Variants in KDM8 observed in about 807,000 individuals in gnomAD.
The protein encoded by KDM8 is bifunctional peptidase and arginyl-hydroxylase JMJD5.
A neutral mutation model predicts 46.9 loss-of-function variants in KDM8; 35 were observed. The ratio of observed to expected loss-of-function variants is 0.75; its 90% confidence interval spans 0.57 to 0.99. KDM8 has a LOEUF of 0.99. Among genes scored for constraint, KDM8 ranks in the 50% least tolerant of loss-of-function variants. The pLI, the probability that KDM8 is intolerant of heterozygous loss-of-function variation, is 0.00. For missense variants in KDM8, 475 were observed against 537.0 expected, an observed-to-expected ratio of 0.88 and a Z score of 1.14; for synonymous variants, 232 against 227.7, an observed-to-expected ratio of 1.02 and a Z score of -0.17.
intron 5 of KDM8, among the ~76,000 whole-genome samples, chr16:27,216,918 T>C (rs776447526): frequency 6.6e-6 from 1 of 152,176 alleles, no homozygotes; most frequent in Non-Finnish European, 1.5e-5. Flanking sequence ...AAGCCATGGT[T>C]AACCTTGGCT....
intron 1 of KDM8, chr16:27,203,933 T>G (rs1222660813): frequency 1.4e-5 from 8 of 556,074 alleles, no homozygotes; most frequent in African/African-American, 2.0e-5. Flanking sequence ...GGCGGGCTGC[T>G]GTGCGCTTTA....
intron 3 of KDM8, 148 bp downstream of exon 3, chr16:27,213,899 A>G: frequency 1.3e-6 from 1 of 740,864 alleles, no homozygotes; most frequent in Non-Finnish European, 2.1e-6. Context: ...GGGTTAAAAA[A>G]GAGTGAAAAG....
At chr16:27,204,814 C>T (rs2083411606) in intron 1 of KDM8, among the ~76,000 whole-genome samples, 1 of 152,174 alleles carries the variant, frequency 6.6e-6, no homozygotes, top group East Asian at 1.9e-4. Flanking sequence ...CACTTCAGGT[C>T]AGGAGTTCAC....
chr16:27,220,598 C>T lies in KDM8; in HGVS notation c.1119C>T (p.Phe373=). The T allele has an allele frequency of 1.2e-6, 2 of 1,614,140 alleles. No homozygotes were observed. The highest frequency in any genetic ancestry group is 8.5e-7 in the Non-Finnish European group (1 of 1,180,024). ...TGGAGAATCCCGACCTGGAAAAGTT[C>T]CCCAAGTTTGCCAAGGCCCCATTCC... The part of the protein sequence containing the change: ...VDVENPDLEK[F]PKFAKAPFLS... The change falls in exon 8 of 8, where the codon TTC becomes TTT. Residue 373 remains phenylalanine (F), a synonymous_variant. Transcript: ENST00000286096.
rs1164591229 is a variant in KDM8 at position 27,210,637 on chromosome 16, T to G, written c.498+16T>G. ...CTGCACAAAGGTATGTGGGGGAGAT[T>G]CTCCCCAAGCACACTAGCCATCCAG... On this transcript the variant is annotated intron_variant, in intron 2 of 7. Transcript: ENST00000286096. The G allele has an allele frequency of 6.7e-7, 1 of 1,499,152 alleles. No individual in the cohort carries two copies. The highest frequency in any genetic ancestry group is 2.3e-5 in the East Asian group (1 of 43,452). 92.9% of individuals were successfully genotyped at this position (1,499,152 alleles called of 1,614,324 possible). A position where few individuals can be genotyped will look rare whatever the true frequency, so the allele number is the denominator to read the frequency against.
intron 3 of KDM8, 126 bp from the exon 4 acceptor site, chr16:27,214,750 G>C (rs2083528044): frequency 9.6e-7 from 1 of 1,038,912 alleles, no homozygotes; most frequent in South Asian, 1.5e-5. Flanking sequence ...TGAAGCTGGG[G>C]ATGACAGTCC....
intron 1 of KDM8, chr16:27,204,388 G>C (rs1567259979): frequency 8.0e-7 from 1 of 1,243,088 alleles, no homozygotes; most frequent in Non-Finnish European, 1.0e-6. Flanking sequence ...GCCCCTTAGA[G>C]AGCCAAAGGG....
chr16:27,219,133 T>G, intron 6 of KDM8, 23 bp downstream of exon 6: 1 of 1,586,642 alleles, frequency 6.3e-7, no homozygotes, highest in Non-Finnish European at 8.6e-7. Context: ...GCTGGAATAG[T>G]GGCCTTCTAA....
chr16:27,207,264 C>T (rs1350009460), intron 1 of KDM8, among the ~76,000 whole-genome samples: 3 of 152,160 alleles, frequency 2.0e-5, no homozygotes, highest in African/African-American at 4.8e-5. Context: ...AAAAATTAGT[C>T]GGGCGTGATG....
At chr16:27,205,117 A>G (rs1426507318) in intron 1 of KDM8, among the ~76,000 whole-genome samples, 4 of 152,228 alleles carry the variant, frequency 2.6e-5, no homozygotes, top group Non-Finnish European at 4.4e-5. Context: ...CCAGGGACCT[A>G]CTTTGCCAGT....
At chr16:27,216,068 G>C in intron 5 of KDM8, 79 bp downstream of exon 5, 1 of 1,480,674 alleles carries the variant, frequency 6.8e-7, no homozygotes, top group Non-Finnish European at 9.4e-7. Context: ...AGTGCGGCTG[G>C]AGCAGTGAGC....
At position 27,220,382 on chromosome 16, in the gene KDM8, T is replaced by C. The variant is rs1442764028; in HGVS notation, c.994-11T>C. On this transcript the variant is annotated splice_polypyrimidine_tract_variant and intron_variant, in intron 6 of 7. Transcript: ENST00000286096. ...AGGCCACCAGCTGACTGTCAGGGTC[T>C]CTCTCCCCAGGTGATGGGGAGGAAG... 6.2e-7 allele frequency: 1 copy of C among 1,612,614 alleles called. No individual in the cohort carries two copies. The highest frequency in any genetic ancestry group is 8.5e-7 in the Non-Finnish European group (1 of 1,178,788).
intron 1 of KDM8, chr16:27,206,335 A>G (rs1215543646): frequency 2.7e-6 from 1 of 367,898 alleles, no homozygotes; most frequent in Non-Finnish European, 3.8e-6. Flanking sequence ...TGCAGTGGCT[A>G]GATCTCAGCT....
Position 27,210,109 on chromosome 16 carries a change from G to C in KDM8, c.-15G>C, listed in dbSNP as rs2083465969. On this transcript the variant is annotated 5_prime_UTR_variant, in exon 2 of 8. Transcript: ENST00000286096. ...CCTCCCCAGGCACGGGACTGAACCA[G>C]CTGGTGGTGGCCCGATGGCTGGAGA... is the stretch of plus-strand genomic sequence containing the variant. 1 of 1,608,584 alleles carries C rather than the reference G, an allele frequency of 6.2e-7. No homozygotes were observed. Among genetic ancestry groups the C allele is most frequent in the Non-Finnish European group, 8.5e-7 (1 of 1,177,516 alleles).
intron 5 of KDM8, among the ~76,000 whole-genome samples, chr16:27,216,672 C>T (rs2083558051): frequency 6.6e-6 from 1 of 152,076 alleles, no homozygotes; most frequent in Non-Finnish European, 1.5e-5. Context: ...GGACCCAGGG[C>T]CAGTAGGGGC....
intron 7 of KDM8, 36 bp downstream of exon 7, chr16:27,220,521 C>A: frequency 1.2e-6 from 2 of 1,613,964 alleles, no homozygotes; most frequent in Non-Finnish European, 1.7e-6. Context: ...GTTGCAGGTT[C>A]TCCCCACTGC....
chr16:27,215,898 A>C, intron 4 of KDM8, 47 bp from the exon 5 acceptor site: 1 of 1,605,868 alleles, frequency 6.2e-7, no homozygotes, highest in Middle Eastern at 1.7e-4. Context: ...ATCTGTCATG[A>C]CTAACTGGGC....
intron 1 of KDM8, 42 bp downstream of exon 1, chr16:27,203,678 T>G (rs2083396181): frequency 5.9e-6 from 1 of 170,000 alleles, no homozygotes; most frequent in African/African-American, 2.4e-5. Flanking sequence ...CTCCAGTTCC[T>G]CAGAAGTGGA....
Position 27,220,768 on chromosome 16 carries a change from C to G in KDM8, c.*38C>G. ...CTGAAAGGGCCTGACATGCAGACAG[C>G]ATTCATCTGTTCACTAATTTCCTGG... On this transcript the variant is annotated 3_prime_UTR_variant, in exon 8 of 8. Transcript: ENST00000286096. 1 of 1,607,030 alleles carries G rather than the reference C, an allele frequency of 6.2e-7. No individual in the cohort carries two copies. Among genetic ancestry groups the G allele is most frequent in the Non-Finnish European group, 8.5e-7 (1 of 1,173,602 alleles).
Sources: allele counts gnomAD v4.1 joint callset (sites outside exome capture counted in the v4.1 genomes callset), GRCh38; gene constraint gnomAD v4.1.1; transcripts MANE v1.5; gene names NCBI Gene and HGNC (gene_info 2026-07-23, HGNC 2026-07-21).